NPIPA5: variants seen among roughly 807,000 people sequenced by gnomAD.
NPIPA5 encodes the protein nuclear pore complex-interacting protein family member A5.
NPIPA5 carries 6 observed loss-of-function variants against 21.4 expected under a neutral mutation model. That is an observed-to-expected ratio of 0.28 (90% CI 0.15 to 0.55). The LOEUF (loss-of-function observed/expected upper bound fraction) is 0.55, where lower values mean the gene tolerates loss of function less well. Among genes scored for constraint, NPIPA5 ranks in the 20% least tolerant of loss-of-function variants. NPIPA5 has a pLI of 0.93. For synonymous variants in NPIPA5, 33 were observed against 115.3 expected, an observed-to-expected ratio of 0.29 and a Z score of 4.57; for missense variants, 99 against 318.2, an observed-to-expected ratio of 0.31 and a Z score of 5.24.
chr16:15,369,173 AG>A (rs1324389218), intron 4 of NPIPA5, among the ~76,000 whole-genome samples: 1 of 147,386 alleles, frequency 6.8e-6, no homozygotes, highest in Non-Finnish European at 1.5e-5. Context: ...AAAAAAAAAA[AG>A]CCTGGGTGTG....
chr16:15,375,897 A>T (rs1365549677), intron 1 of NPIPA5, among the ~76,000 whole-genome samples: 3 of 151,732 alleles, frequency 2.0e-5, no homozygotes, highest in East Asian at 1.9e-4. Flanking sequence ...TTGTGATAAC[A>T]TTTCTACATC....
chr16:15,363,897 T>C lies in NPIPA5; in HGVS notation c.815A>G (p.Tyr272Cys), dbSNP rs148628178. Residue 272 changes from tyrosine (Y) to cysteine (C), a missense_variant, in exon 8 of 8, where the codon TAT becomes TGT. Tyr to Cys is a radical substitution (Grantham distance 194). Transcript: ENST00000360151. ...SLKTPSERLL[Y>C]PLPPSADDNL... The stretch of plus-strand genomic sequence containing the variant: ...ATCATCCGCTGAGGGTGGAAGGGGA[T>C]AGAGCAGACGCTCGGAAGGTGTCTT... The C allele has an allele frequency of 5.0e-4, 800 of 1,603,044 alleles. 1 individual carries two copies. The highest frequency in any genetic ancestry group is 3.0e-3 in the Middle Eastern group (16 of 5,392).
chr16:15,367,416 G>T (rs1458401656), intron 4 of NPIPA5, among the ~76,000 whole-genome samples: 2 of 152,078 alleles, frequency 1.3e-5, no homozygotes, highest in Non-Finnish European at 1.5e-5. Context: ...TCCTAAGTCA[G>T]GGTGTTATGT....
At chr16:15,381,295 A>T (rs1265394387), upstream of NPIPA5, 2 of 164,930 alleles carry the variant, frequency 1.2e-5, no homozygotes. Flanking sequence ...TTCATTCGTC[A>T]TTCAGTTTCT....
At chr16:15,377,707 C>G in intron 1 of NPIPA5, among the ~76,000 whole-genome samples, 3 of 74,002 alleles carry the variant, frequency 4.1e-5, no homozygotes, top group Admixed American at 1.8e-4. Context: ...GAGAAGGGGG[C>G]TGTTGGGGAG....
intron 4 of NPIPA5, among the ~76,000 whole-genome samples, chr16:15,367,375 C>T (rs2050005544): frequency 6.6e-6 from 1 of 152,096 alleles, no homozygotes; most frequent in African/African-American, 2.4e-5. Context: ...ATGCTGGGCG[C>T]ATCTATTGAA....
At chr16:15,380,861 A>G, upstream of NPIPA5, 2 of 663,968 alleles carry the variant, frequency 3.0e-6, no homozygotes, top group Non-Finnish European at 5.0e-6. Flanking sequence ...CCGCTATGAG[A>G]TGTGTGGCAG....
chr16:15,380,997 C>T (rs1222013581), upstream of NPIPA5: 2 of 1,510,356 alleles, frequency 1.3e-6, no homozygotes, highest in Admixed American at 4.3e-5. Context: ...TGAGCTGGCC[C>T]TGGTCATGGG....
At position 15,375,077 on chromosome 16, in the gene NPIPA5, C is replaced by T. The variant is rs1220714076; in HGVS notation, c.64-1234G>A. On this transcript the variant is annotated intron_variant, in intron 1 of 7. Transcript: ENST00000360151. Reference sequence around the variant, plus strand: ...TACTGAGTAACTGGGATTACAGGCGCCTGCCACCACGCTCGGCTAATTTTT... The same window carrying T: ...TACTGAGTAACTGGGATTACAGGCGTCTGCCACCACGCTCGGCTAATTTTT... Among the ~76,000 whole-genome samples, 17 of 150,426 alleles carry T rather than the reference C, an allele frequency of 1.1e-4. No homozygotes were observed. In the East Asian group the frequency reaches 2.0e-3, roughly 18 times the overall value.
At chr16:15,366,884 T>A in intron 4 of NPIPA5, 124 bp from the exon 5 acceptor site, 1 of 1,513,204 alleles carries the variant, frequency 6.6e-7, no homozygotes, top group East Asian at 2.5e-5. Flanking sequence ...ATGAACCAAC[T>A]GATTCTCACA....
At chr16:15,368,337 G>A (rs184318196) in intron 4 of NPIPA5, among the ~76,000 whole-genome samples, 9 of 151,984 alleles carry the variant, frequency 5.9e-5, no homozygotes, top group African/African-American at 1.7e-4. Flanking sequence ...CTGCACAGAC[G>A]ACCTCAATTG....
At chr16:15,379,488 A>ACC (rs1307463357), upstream of NPIPA5, among the ~76,000 whole-genome samples, 3 of 151,668 alleles carry the variant, frequency 2.0e-5, no homozygotes, top group Non-Finnish European at 4.4e-5. Flanking sequence ...AATAGTTTGA[A>ACC]CCCGGGAGGC....
At chr16:15,371,539 G>C (rs113056002) in intron 2 of NPIPA5, among the ~76,000 whole-genome samples, 6,693 of 144,722 alleles carry the variant, frequency 0.046, 387 homozygotes, top group Non-Finnish European at 0.067. Context: ...CGGAGTGTCA[G>C]TCAACCATGC....
At chr16:15,375,729 G>A (rs1349191850) in intron 1 of NPIPA5, among the ~76,000 whole-genome samples, 12 of 136,590 alleles carry the variant, frequency 8.8e-5, no homozygotes, top group East Asian at 4.9e-4. Flanking sequence ...GTGACAGAGC[G>A]AGACTCTGTC....
intron 4 of NPIPA5, among the ~76,000 whole-genome samples, chr16:15,369,130 C>A (rs1046989726): frequency 6.9e-6 from 1 of 144,760 alleles, no homozygotes; most frequent in Non-Finnish European, 1.5e-5. Flanking sequence ...CCAGCCTGGG[C>A]GACAGAGCGA....
chr16:15,379,888 G>C (rs2050395284), upstream of NPIPA5, among the ~76,000 whole-genome samples: 1 of 151,976 alleles, frequency 6.6e-6, no homozygotes, highest in Non-Finnish European at 1.5e-5. Context: ...AGGTTGCAGT[G>C]AGCCGAGATT....
chr16:15,376,897 C>A (rs1378754488), intron 1 of NPIPA5, among the ~76,000 whole-genome samples: 1 of 152,052 alleles, frequency 6.6e-6, no homozygotes, highest in Non-Finnish European at 1.5e-5. Context: ...TTGCTTGAAC[C>A]CCGGAAGCGG....
At chr16:15,377,025 C>T (rs929935976) in intron 1 of NPIPA5, among the ~76,000 whole-genome samples, 2 of 151,872 alleles carry the variant, frequency 1.3e-5, no homozygotes, top group Admixed American at 6.6e-5. Flanking sequence ...AATCAAATGA[C>T]ATTTCACTTT....
chr16:15,374,328 A>C lies in NPIPA5; in HGVS notation c.64-485T>G, dbSNP rs553032117. Reference sequence around the variant, plus strand: ...ATTCTCCTGCCTCAGCCTCCCGAGCAGCTGAGATTACCGGTCTCTGCCACC... The same window carrying C: ...ATTCTCCTGCCTCAGCCTCCCGAGCCGCTGAGATTACCGGTCTCTGCCACC... On this transcript the variant is annotated intron_variant, in intron 1 of 7. Transcript: ENST00000360151. 3.3e-5 allele frequency among the ~76,000 whole-genome samples: 5 copies of C among 151,022 alleles called. No homozygotes were observed. The East Asian group carries it at 9.8e-4, about 29-fold the overall frequency.
Sources: allele counts gnomAD v4.1 joint callset (sites outside exome capture counted in the v4.1 genomes callset), GRCh38; gene constraint gnomAD v4.1.1; transcripts MANE v1.5; gene names NCBI Gene and HGNC (gene_info 2026-07-23, HGNC 2026-07-21).